ZC2HC1C: variants seen among roughly 807,000 people sequenced by gnomAD.
ZC2HC1C encodes zinc finger C2HC-type containing 1C, also known as zinc finger C2HC domain-containing protein 1C.
Under a neutral mutation model 39.2 loss-of-function variants are expected in ZC2HC1C, and 25 were observed. The ratio of observed to expected loss-of-function variants is 0.64; its 90% CI spans 0.47 to 0.89. ZC2HC1C has a LOEUF of 0.89. Among genes scored for constraint, ZC2HC1C ranks in the 40% least tolerant of loss-of-function variants. The pLI is 0.00. For synonymous variants in ZC2HC1C, 209 were observed against 214.4 expected (o/e 0.97, Z 0.22); for missense variants, 519 against 548.6 (o/e 0.95, Z 0.54).
Position 75,071,721 on chromosome 14 carries a change from T to C in ZC2HC1C, c.1148T>C (p.Ile383Thr), listed in dbSNP as rs537761132. ...GACTCCTCAGGTTCCAGCGGCTCCA[T>C]TGAAGAGCCACAGCTGGGTGAGTGC... ...APDSSGSSGS[I>T]EEPQLGECSH... Residue 383 changes from isoleucine (I) to threonine (T), a missense_variant, in exon 2 of 3, where the codon ATT (isoleucine) becomes ACT (threonine). Transcript: ENST00000524913. 60 of 1,614,194 alleles carry C rather than the reference T, an allele frequency of 3.7e-5. No individual in the cohort carries two copies. Among genetic ancestry groups the C allele is most frequent in the Admixed American group, 6.7e-5 (4 of 60,016 alleles).
intron 1 of ZC2HC1C, 77 bp from the exon 2 acceptor site, chr14:75,070,478 A>G: frequency 6.7e-7 from 1 of 1,486,842 alleles, no homozygotes; most frequent in Non-Finnish European, 9.0e-7. Flanking sequence ...GGGCAAATGT[A>G]GAAATAGTTT....
Position 75,071,712 on chromosome 14 carries a change from G to A in ZC2HC1C, c.1139G>A (p.Ser380Asn). 6.2e-7 allele frequency: 1 copy of A among 1,614,182 alleles called. No individual in the cohort carries two copies. The highest frequency in any genetic ancestry group is 8.5e-7 in the Non-Finnish European group (1 of 1,180,016). Reference protein sequence around the residue: ...LSMAPDSSGSSGSIEEPQLGE... With the variant: ...LSMAPDSSGSNGSIEEPQLGE... ...ATGGCACCAGACTCCTCAGGTTCCA[G>A]CGGCTCCATTGAAGAGCCACAGCTG... Residue 380 changes from serine (S) to asparagine (N), a missense_variant, in exon 2 of 3, where the codon AGC becomes AAC. Ser to Asn is a conservative substitution (Grantham distance 46). Coordinates refer to ENST00000524913, the MANE Select transcript of ZC2HC1C (RefSeq NM_024643.4).
At chr14:75,072,053 G>C in intron 2 of ZC2HC1C, 142 bp downstream of exon 2, 1 of 1,205,324 alleles carries the variant, frequency 8.3e-7, no homozygotes. Flanking sequence ...GATTACTACT[G>C]TATGCCAGCA....
chr14:75,070,650 G>T lies in ZC2HC1C; in HGVS notation c.77G>T (p.Gly26Val), dbSNP rs1228113258. 6.2e-7 allele frequency: 1 copy of T among 1,614,150 alleles called. No individual in the cohort carries two copies. Among genetic ancestry groups the T allele is most frequent in the East Asian group, 2.2e-5 (1 of 44,884 alleles). The change falls in exon 2 of 3, where the codon GGG becomes GTG. Residue 26 changes from glycine (G) to valine (V), a missense_variant. By Grantham distance (109) the Gly-to-Val change is moderately radical. Transcript: ENST00000524913. ...MLPHNTTEAPGPHSAKQDSYE... is the reference protein window; with the variant it reads ...MLPHNTTEAPVPHSAKQDSYE... ...CCACATAATACAACGGAAGCTCCAG[G>T]GCCCCACTCAGCCAAGCAAGACTCT...
chr14:75,073,548 A>G (rs147080638), intron 2 of ZC2HC1C: 1 of 1,288,616 alleles, frequency 7.8e-7, no homozygotes, highest in Admixed American at 2.3e-5. Context: ...CACCCTGGTA[A>G]TGTCTCAAAT....
rs1324680432 is a variant in ZC2HC1C, at chr14:75,070,706, TTGAAGGGGCACC to T, written c.137_148del (p.Lys46_Leu49del). On this transcript the variant is annotated inframe_deletion, in exon 2 of 3. Transcript: ENST00000524913. The stretch of plus-strand genomic sequence containing the variant: ...ACAAGGTGACTCTTCCCAGCAGTCC[TTGAAGGGGCACC>T]TGAGGAACAATTTCCAGAAGCAGCT... 2 of 1,614,046 alleles carry T rather than the reference TTGAAGGGGCACC, an allele frequency of 1.2e-6. No individual in the cohort carries two copies. The highest frequency in any genetic ancestry group is 2.7e-5 in the African/African-American group (2 of 74,906).
chr14:75,077,592 C>T lies in ZC2HC1C; in HGVS notation c.*28C>T, dbSNP rs761263113. 29 of 1,613,870 alleles carry T rather than the reference C, an allele frequency of 1.8e-5. No individual in the cohort carries two copies. Among genetic ancestry groups the T allele is most frequent in the Middle Eastern group, 1.7e-4 (1 of 6,034 alleles). The stretch of plus-strand genomic sequence containing the variant: ...GCATGAATCTTTTATCCATACGTTC[C>T]GCCAGGCTCGAGAGGTCCAGCAGGT... On this transcript the variant is annotated 3_prime_UTR_variant, in exon 3 of 3. Coordinates refer to ENST00000524913, the MANE Select transcript of ZC2HC1C (RefSeq NM_024643.4).
At chr14:75,076,387 G>A (rs1594811137) in intron 2 of ZC2HC1C, among the ~76,000 whole-genome samples, 1 of 152,194 alleles carries the variant, frequency 6.6e-6, no homozygotes, top group Middle Eastern at 3.4e-3. Context: ...TCCTGCCTCA[G>A]CCTCCTGAAT....
At chr14:75,076,262 C>CTATT (rs770364890) in intron 2 of ZC2HC1C, among the ~76,000 whole-genome samples, 30 of 151,918 alleles carry the variant, frequency 2.0e-4, no homozygotes, top group South Asian at 1.3e-3. Flanking sequence ...TACAACATTT[C>CTATT]TATTTATTTA....
rs1893380659 is a variant in ZC2HC1C at position 75,071,198 on chromosome 14, G to C, written c.625G>C (p.Glu209Gln). The C allele has an allele frequency of 6.2e-7, 1 of 1,614,110 alleles. No individual in the cohort carries two copies. Among genetic ancestry groups the C allele is most frequent in the Non-Finnish European group, 8.5e-7 (1 of 1,180,054 alleles). The change falls in exon 2 of 3, where the codon GAG becomes CAG. Residue 209 changes from glutamate to glutamine, a missense_variant. By Grantham distance (29) the Glu-to-Gln change is conservative. Transcript: ENST00000524913. ...EKAVANFDRT[E>Q]WVQIRRLEAA... ...GGCCGTGGCAAACTTTGACAGGACG[G>C]AGTGGGTGCAGATCCGAAGACTAGA...
At position 75,077,607 on chromosome 14, in the gene ZC2HC1C, G is replaced by T. The variant is rs756825851; in HGVS notation, c.*43G>T. Reference sequence around the variant, plus strand: ...CCATACGTTCCGCCAGGCTCGAGAGGTCCAGCAGGTAACTGCCAAAGGTGG... The same window carrying T: ...CCATACGTTCCGCCAGGCTCGAGAGTTCCAGCAGGTAACTGCCAAAGGTGG... On this transcript the variant is annotated 3_prime_UTR_variant, in exon 3 of 3. Transcript: ENST00000524913. 1.2e-6 allele frequency: 2 copies of T among 1,613,042 alleles called. No individual in the cohort carries two copies. Among genetic ancestry groups the T allele is most frequent in the Admixed American group, 1.7e-5 (1 of 59,998 alleles).
At chr14:75,073,953 G>A (rs890242637) in intron 2 of ZC2HC1C, among the ~76,000 whole-genome samples, 4 of 151,736 alleles carry the variant, frequency 2.6e-5, no homozygotes, top group Non-Finnish European at 4.4e-5. Flanking sequence ...GTGCAGTGAC[G>A]CGATCTCGGC....
Position 75,071,013 on chromosome 14 carries a change from G to A in ZC2HC1C, c.440G>A (p.Arg147Lys). The stretch of plus-strand genomic sequence containing the variant: ...TTCCCATTGAAACCCATGGTCCACA[G>A]GAAGTCGTGCAGTACAGGTGAGGCT... ...RAFPLKPMVH[R>K]KSCSTGEAGT... The change falls in exon 2 of 3, where the codon AGG becomes AAG. Residue 147 changes from arginine to lysine, a missense_variant. Transcript: ENST00000524913. 1 of 1,614,230 alleles carries A rather than the reference G, an allele frequency of 6.2e-7. No individual in the cohort carries two copies. Among genetic ancestry groups the A allele is most frequent in the Non-Finnish European group, 8.5e-7 (1 of 1,180,046 alleles).
rs758512695 is a variant in ZC2HC1C at position 75,070,742 on chromosome 14, C to G, written c.169C>G (p.Leu57Val). Residue 57 changes from leucine to valine, a missense_variant, in exon 2 of 3, where the codon CTT becomes GTT. Transcript: ENST00000524913. ...CCTGAGGAACAATTTCCAGAAGCAGCTTTTGAGCAACAAAGAGTTGATTCT... is the reference window on the plus strand; with the variant it reads ...CCTGAGGAACAATTTCCAGAAGCAGGTTTTGAGCAACAAAGAGTTGATTCT... Reference protein sequence around the residue: ...GHLRNNFQKQLLSNKELILDK... With the variant: ...GHLRNNFQKQVLSNKELILDK... 5 of 1,614,092 alleles carry G rather than the reference C, an allele frequency of 3.1e-6. No homozygotes were observed. In the Admixed American group the frequency reaches 5.0e-5, roughly 16 times the overall value.
chr14:75,078,721 A>AC lies in ZC2HC1C; in HGVS notation c.*1161dup, dbSNP rs1332741870. ...AGAGCGGCCTCGACAACAAAGCAAG[A>AC]CCCCATCTCAAAACAAAACAAAGCT... is the stretch of plus-strand genomic sequence containing the variant. On this transcript the variant is annotated 3_prime_UTR_variant, in exon 3 of 3. Transcript: ENST00000524913. 2.0e-5 allele frequency: 3 copies of AC among 152,158 alleles called. No homozygotes were observed. The highest frequency in any genetic ancestry group is 4.4e-5 in the Non-Finnish European group (3 of 68,060). 9.4% of individuals were successfully genotyped at this position (152,158 alleles called of 1,614,324 possible).
Position 75,072,302 on chromosome 14 carries a change from GA to G in ZC2HC1C, c.1338+398del, listed in dbSNP as rs576384981. Among the ~76,000 whole-genome samples, 601 of 152,236 alleles carry G rather than the reference GA, an allele frequency of 3.9e-3. 4 individuals are homozygous for G. The highest frequency in any genetic ancestry group is 0.014 in the African/African-American group (579 of 41,540). On this transcript the variant is annotated intron_variant, in intron 2 of 2. Transcript: ENST00000524913. ...ATTTAAAAGACACAAAAAATCTAAA[GA>G]AAAAAATGCAGCCTTTTGTCACCTG...
At chr14:75,069,859 GC>G in intron 1 of ZC2HC1C, 110 bp downstream of exon 1, 1 of 152,930 alleles carries the variant, frequency 6.5e-6, no homozygotes. Flanking sequence ...AAGTGGGGGC[GC>G]CCCAGTTGAC....
In ZC2HC1C at chr14:75,071,428, C is replaced by G. The variant is rs201451560; in HGVS notation, c.855C>G (p.Ile285Met). ...AAAGCAACACCATGTACAAACCTAT[C>G]TTCTCCCCAGAATTTGAGTTTGAGG... ...GNKSNTMYKP[I>M]FSPEFEFEEE... The change falls in exon 2 of 3, where the codon ATC (isoleucine) becomes ATG (methionine). Residue 285 changes from isoleucine (I) to methionine (M), a missense_variant. Ile to Met is a conservative substitution (Grantham distance 10). Coordinates refer to ENST00000524913, the MANE Select transcript of ZC2HC1C (RefSeq NM_024643.4). The G allele has an allele frequency of 3.7e-6, 6 of 1,614,178 alleles. No homozygotes were observed. Among genetic ancestry groups the G allele is most frequent in the East Asian group, 4.5e-5 (2 of 44,876 alleles).
rs1245095277 is a variant in ZC2HC1C at position 75,071,680 on chromosome 14, C to CCGCCAGT, written c.1108_1109insGCCAGTC (p.Leu370ArgfsTer17). ...TGCAGGGATCCGCCAGAAATTCCAG[C>CCGCCAGT]CTGTCCATGGCACCAGACTCCTCAG... On this transcript the variant is annotated frameshift_variant, in exon 2 of 3. Transcript: ENST00000524913. LOFTEE classifies it high-confidence loss of function. 1 of 1,614,046 alleles carries CCGCCAGT rather than the reference C, an allele frequency of 6.2e-7. No homozygotes were observed. The highest frequency in any genetic ancestry group is 8.5e-7 in the Non-Finnish European group (1 of 1,180,030).
Sources: allele counts gnomAD v4.1 joint callset (sites outside exome capture counted in the v4.1 genomes callset), GRCh38; gene constraint gnomAD v4.1.1; transcripts MANE v1.5; gene names NCBI Gene and HGNC (gene_info 2026-07-23, HGNC 2026-07-21).